The following SKI variants were observed in gnomAD, a reference collection of about 807,000 sequenced individuals.
The protein encoded by SKI is SKI proto-oncogene, also known as ski oncogene.
SKI carries 23 observed loss-of-function variants against 59.3 expected under a neutral mutation model. That is an observed-to-expected ratio of 0.39 (90% CI 0.28 to 0.55). The LOEUF (loss-of-function observed/expected upper bound fraction) is 0.55. SKI is among the 20% of genes least tolerant of loss of function. The pLI is 0.67. For synonymous variants in SKI, 673 were observed against 488.6 expected (o/e 1.38, Z -4.98); for missense variants, 1,017 against 1,038.9 (o/e 0.98, Z 0.29).
At chr1:2,304,166 G>A (rs1640504872) in intron 4 of SKI, 64 bp downstream of exon 4, 1 of 1,599,126 alleles carries the variant, frequency 6.3e-7, no homozygotes, top group Non-Finnish European at 8.5e-7. Flanking sequence ...TGGCTGAGGG[G>A]GGCTGGTCGC....
In SKI at chr1:2,228,967, C is replaced by T; in HGVS notation, c.201C>T (p.Ala67=). 1 of 1,442,618 alleles carries T rather than the reference C, an allele frequency of 6.9e-7. No individual in the cohort carries two copies. The allele number at this position is 1,442,618 out of a possible 1,614,324, so 89.4% of individuals were successfully genotyped here. Residue 67 remains alanine, a synonymous_variant, in exon 1 of 7, where the codon GCC becomes GCT. Coordinates refer to ENST00000378536, the MANE Select transcript of SKI (RefSeq NM_003036.4). The part of the protein sequence containing the change: ...AAAVPAPVPA[A]TEPPPVLHLP... ...CGGTGCCGGCGCCGGTGCCCGCAGCCACCGAGCCGCCGCCCGTGCTGCACC... is the reference window on the plus strand; with the variant it reads ...CGGTGCCGGCGCCGGTGCCCGCAGCTACCGAGCCGCCGCCCGTGCTGCACC...
At chr1:2,279,982 C>G (rs1049234492) in intron 1 of SKI, among the ~76,000 whole-genome samples, 3 of 152,138 alleles carry the variant, frequency 2.0e-5, no homozygotes, top group Admixed American at 1.3e-4. Context: ...GGGCCCCACC[C>G]CCAGCCCTCC....
At chr1:2,293,433 C>CT (rs1009616175) in intron 1 of SKI, among the ~76,000 whole-genome samples, 1 of 151,496 alleles carries the variant, frequency 6.6e-6, no homozygotes, top group Non-Finnish European at 1.5e-5. Flanking sequence ...CGAGGCCCCC[C>CT]CCCAACATCT....
At chr1:2,238,958 AG>A (rs1245120021) in intron 1 of SKI, among the ~76,000 whole-genome samples, 3 of 151,970 alleles carry the variant, frequency 2.0e-5, no homozygotes, top group Non-Finnish European at 4.4e-5. Context: ...GTGGACCTGG[AG>A]GGGGGTGGGG....
At position 2,306,770 on chromosome 1, in the gene SKI, C is replaced by CGT. The variant is rs1557855063; in HGVS notation, c.*7_*8dup. The CGT allele has an allele frequency of 6.7e-7, 1 of 1,501,982 alleles. No individual in the cohort carries two copies. The highest frequency in any genetic ancestry group is 2.2e-5 in the Admixed American group (1 of 45,994). The allele number at this position is 1,501,982 out of a possible 1,614,324, so 93.0% of individuals were successfully genotyped here. Reference sequence around the variant, plus strand: ...GCTGCGGAGCTGGAGCCGTAGATTCCGTGCCTGCCGCCGCAGCGCCGCCGA... The same window carrying CGT: ...GCTGCGGAGCTGGAGCCGTAGATTCCGTGTGCCTGCCGCCGCAGCGCCGCCGA... On this transcript the variant is annotated 3_prime_UTR_variant, in exon 7 of 7. Transcript: ENST00000378536.
At chr1:2,251,012 A>G (rs1012743674) in intron 1 of SKI, among the ~76,000 whole-genome samples, 3 of 152,236 alleles carry the variant, frequency 2.0e-5, no homozygotes, top group East Asian at 1.9e-4. Flanking sequence ...TTGGACCCCA[A>G]AAGTCCCCTG....
chr1:2,302,460 C>G (rs540968664), intron 1 of SKI, among the ~76,000 whole-genome samples: 1 of 152,166 alleles, frequency 6.6e-6, no homozygotes, highest in African/African-American at 2.4e-5. Context: ...GTCCCCTCCC[C>G]GCGACCACCC....
intron 1 of SKI, among the ~76,000 whole-genome samples, chr1:2,260,967 T>G (rs1639376218): frequency 6.6e-6 from 1 of 152,210 alleles, no homozygotes; most frequent in South Asian, 2.1e-4. Context: ...AGGTCTGTGA[T>G]CCATTTTGAG....
At chr1:2,274,902 C>T (rs1457557469) in intron 1 of SKI, among the ~76,000 whole-genome samples, 1 of 152,218 alleles carries the variant, frequency 6.6e-6, no homozygotes, top group Non-Finnish European at 1.5e-5. Context: ...GGGGACAAGA[C>T]CCTTGTGAGG....
chr1:2,298,993 G>C (rs1012244877), intron 1 of SKI, among the ~76,000 whole-genome samples: 2 of 152,206 alleles, frequency 1.3e-5, no homozygotes, highest in Non-Finnish European at 2.9e-5. Context: ...GTGAGCCCTG[G>C]GTGGGTGGAT....
intron 1 of SKI, among the ~76,000 whole-genome samples, chr1:2,264,413 C>T (rs1322547856): frequency 6.6e-6 from 1 of 151,910 alleles, no homozygotes; most frequent in Non-Finnish European, 1.5e-5. Context: ...GGATTACAGG[C>T]ACCCGCCACC....
chr1:2,274,017 T>C (rs982635828), intron 1 of SKI, among the ~76,000 whole-genome samples: 104 of 151,950 alleles, frequency 6.8e-4, no homozygotes, highest in African/African-American at 1.8e-3. Context: ...TGAGCGCCCA[T>C]GCGTGTGCGC....
rs192829622 is a variant in SKI, at chr1:2,283,801, C to T, written c.970-19177C>T. 7.2e-5 allele frequency among the ~76,000 whole-genome samples: 11 copies of T among 152,348 alleles called. No homozygotes were observed. In the East Asian group the frequency reaches 1.9e-3, roughly 27 times the overall value. Reference sequence around the variant, plus strand: ...GGAGGCCCGTCCACTAGAACTGAGGCCTGGCACCATGTTGTGTCGGTTTTC... The same window carrying T: ...GGAGGCCCGTCCACTAGAACTGAGGTCTGGCACCATGTTGTGTCGGTTTTC... On this transcript the variant is annotated intron_variant, in intron 1 of 6. Coordinates refer to ENST00000378536, the MANE Select transcript of SKI (RefSeq NM_003036.4).
intron 1 of SKI, among the ~76,000 whole-genome samples, chr1:2,272,838 C>G (rs527826314): frequency 4.6e-5 from 7 of 151,972 alleles, no homozygotes; most frequent in African/African-American, 1.7e-4. Context: ...GAGCCTCCCC[C>G]TCCCACGCCC....
chr1:2,284,165 C>T (rs1270934931), intron 1 of SKI, among the ~76,000 whole-genome samples: 1 of 152,136 alleles, frequency 6.6e-6, no homozygotes, highest in African/African-American at 2.4e-5. Flanking sequence ...ATCAGAGGCC[C>T]CAGAGGCCGG....
intron 1 of SKI, among the ~76,000 whole-genome samples, chr1:2,231,024 A>G (rs1016867459): frequency 1.3e-5 from 2 of 152,102 alleles, no homozygotes; most frequent in African/African-American, 4.8e-5. Context: ...GCCAGGGCTC[A>G]GGTGGCAGCC....
chr1:2,244,317 C>G (rs1435137344), intron 1 of SKI, among the ~76,000 whole-genome samples: 2 of 151,906 alleles, frequency 1.3e-5, no homozygotes, highest in Non-Finnish European at 2.9e-5. Flanking sequence ...GTGGCTCACA[C>G]CTGTAATCCC....
intron 1 of SKI, among the ~76,000 whole-genome samples, chr1:2,243,503 T>C (rs1237249532): frequency 1.3e-5 from 2 of 152,236 alleles, no homozygotes; most frequent in African/African-American, 4.8e-5. Context: ...ACTGTGTCAG[T>C]GTCACCGTGC....
Position 2,229,720 on chromosome 1 carries a change from G to A in SKI, c.954G>A (p.Lys318=). ...AATTCGACTATGGCAACAAGTACAAGCGGCGGGTGCCCCGGGTGAGTGGCC... is the reference window on the plus strand; with the variant it reads ...AATTCGACTATGGCAACAAGTACAAACGGCGGGTGCCCCGGGTGAGTGGCC... The part of the protein sequence containing the change: ...KEKFDYGNKY[K]RRVPRVSSEP... The change falls in exon 1 of 7, where the codon AAG becomes AAA. Residue 318 remains lysine, a synonymous_variant. Transcript: ENST00000378536. The surrounding 1 kb of genome is among the most constrained non-coding windows in gnomAD (Gnocchi z 6.3). 2 of 1,567,642 alleles carry A rather than the reference G, an allele frequency of 1.3e-6. No homozygotes were observed. Among genetic ancestry groups the A allele is most frequent in the Non-Finnish European group, 1.7e-6 (2 of 1,156,916 alleles).
Sources: gnomAD v4.1 joint callset for allele counts (sites outside exome capture counted in the v4.1 genomes callset) on GRCh38, gnomAD v4.1.1 for gene constraint, Gnocchi (gnomAD v3.1) non-coding constraint, MANE v1.5 for transcripts, NCBI Gene and HGNC (gene_info 2026-07-23, HGNC 2026-07-21) for gene names.